POTEC: variants seen among roughly 807,000 people sequenced by gnomAD.
POTEC encodes POTE ankyrin domain family member C.
Under a neutral mutation model 62.0 loss-of-function variants are expected in POTEC, and 35 were observed. The observed-to-expected ratio is 0.56, with a 90% CI of 0.43 to 0.75. The LOEUF is 0.75. POTEC is among the 30% of genes least tolerant of loss of function. The pLI, the probability that POTEC is intolerant of heterozygous loss-of-function variation, is 0.00. For synonymous variants in POTEC, 156 were observed against 221.5 expected, an observed-to-expected ratio of 0.70 and a Z score of 2.62; for missense variants, 472 against 655.9, an observed-to-expected ratio of 0.72 and a Z score of 3.06.
intron 1 of POTEC, among the ~76,000 whole-genome samples, chr18:14,540,112 CAT>C (rs1188407269): frequency 6.6e-5 from 10 of 152,140 alleles, no homozygotes; most frequent in Admixed American, 2.6e-4. Context: ...ACTATTTACA[CAT>C]GTTAATCTAT....
chr18:14,536,772 A>G (rs1285186904), intron 3 of POTEC, among the ~76,000 whole-genome samples: 1 of 152,070 alleles, frequency 6.6e-6, no homozygotes, highest in Non-Finnish European at 1.5e-5. Context: ...TAGGAGAGAG[A>G]CTCATTTGCT....
intron 7 of POTEC, among the ~76,000 whole-genome samples, chr18:14,524,380 C>A (rs2143132598): frequency 6.6e-6 from 1 of 152,214 alleles, no homozygotes; most frequent in East Asian, 1.9e-4. Flanking sequence ...CAGTGACTGA[C>A]AATATAAAAC....
rs1567917499 is a variant in POTEC, at chr18:14,543,307, C to T, written c.-161G>A. ...CCCAGCAAGGGAGCCCAGTCCACCC[C>T]ACCCAGGGAAAACCCACACCCACCC... On this transcript the variant is annotated 5_prime_UTR_variant, in exon 1 of 11. Transcript: ENST00000358970. 1 of 1,310,878 alleles carries T rather than the reference C, an allele frequency of 7.6e-7. No individual in the cohort carries two copies. Among genetic ancestry groups the T allele is most frequent in the African/African-American group, 1.5e-5 (1 of 66,500 alleles). The allele number at this position is 1,310,878 out of a possible 1,614,324, so 81.2% of individuals were successfully genotyped here. A position where few individuals can be genotyped will look rare whatever the true frequency, so the allele number is the denominator to read the frequency against.
intron 9 of POTEC, among the ~76,000 whole-genome samples, chr18:14,516,338 C>CTATATATATATATG (rs1567910128): frequency 3.3e-5 from 1 of 30,238 alleles, no homozygotes; most frequent in African/African-American, 1.4e-4. Flanking sequence ...ATATATATAC[C>CTATATATATATATG]TATACCTGAG....
At chr18:14,519,198 G>A (rs1335667714) in intron 9 of POTEC, among the ~76,000 whole-genome samples, 1 of 152,126 alleles carries the variant, frequency 6.6e-6, no homozygotes, top group African/African-American at 2.4e-5. Context: ...TTTTGGCAGA[G>A]CAACTGGAAG....
At chr18:14,529,418 A>G (rs1905426304) in intron 6 of POTEC, among the ~76,000 whole-genome samples, 1 of 152,190 alleles carries the variant, frequency 6.6e-6, no homozygotes, top group Non-Finnish European at 1.5e-5. Context: ...TACTATGAGC[A>G]CCTTAAGGAT....
At position 14,542,994 on chromosome 18, in the gene POTEC, G is replaced by A; in HGVS notation, c.153C>T (p.Asp51=). The A allele has an allele frequency of 6.2e-7, 1 of 1,613,050 alleles. No individual in the cohort carries two copies. Among genetic ancestry groups the A allele is most frequent in the Non-Finnish European group, 8.5e-7 (1 of 1,179,420 alleles). ...SNMGTSGDHD[D]SFMKMLRSKM... ...TGCTCCTGAGCATCTTCATAAAGGAGTCGTCGTGGTCTCCAGAAGTGCCCA... is the reference window on the plus strand; with the variant it reads ...TGCTCCTGAGCATCTTCATAAAGGAATCGTCGTGGTCTCCAGAAGTGCCCA... The change falls in exon 1 of 11, where the codon GAC becomes GAT. Residue 51 remains aspartate (D), a synonymous_variant. Coordinates refer to ENST00000358970, the MANE Select transcript of POTEC (RefSeq NM_001137671.2).
At chr18:14,513,562 T>C in intron 10 of POTEC, 100 bp downstream of exon 10, 7 of 1,453,908 alleles carry the variant, frequency 4.8e-6, no homozygotes, top group Non-Finnish European at 6.5e-6. Context: ...CACACACGTG[T>C]GTATATATGT....
chr18:14,533,876 T>TC (rs1491113698), intron 4 of POTEC, among the ~76,000 whole-genome samples: 12 of 70,814 alleles, frequency 1.7e-4, no homozygotes, highest in East Asian at 1.2e-3. Flanking sequence ...TTTCTCTCTC[T>TC]TTTTTTTTTT....
chr18:14,514,196 T>C (rs1469648914), intron 9 of POTEC, among the ~76,000 whole-genome samples: 1 of 152,116 alleles, frequency 6.6e-6, no homozygotes, highest in Non-Finnish European at 1.5e-5. Flanking sequence ...AAGCATTAGA[T>C]TCTCATAAGG....
At chr18:14,523,099 T>C (rs1270739114) in intron 8 of POTEC, among the ~76,000 whole-genome samples, 3 of 152,026 alleles carry the variant, frequency 2.0e-5, no homozygotes. Context: ...TCAATAGCTA[T>C]ACAATTTTCC....
Position 14,515,365 on chromosome 18 carries a change from G to T in POTEC, c.1410-1580C>A, listed in dbSNP as rs1598476484. ...ATAAAAGTAGATACACAGATCAATG[G>T]AACAGAATAGACAACTCAGAAAAAA... is the stretch of plus-strand genomic sequence containing the variant. On this transcript the variant is annotated intron_variant, in intron 9 of 10. Transcript: ENST00000358970. 2.0e-5 allele frequency among the ~76,000 whole-genome samples: 3 copies of T among 152,152 alleles called. No homozygotes were observed. The East Asian group carries it at 5.8e-4, about 29-fold the overall frequency.
chr18:14,533,856 G>A (rs1271724554), intron 4 of POTEC, among the ~76,000 whole-genome samples: 2 of 149,350 alleles, frequency 1.3e-5, no homozygotes, highest in South Asian at 4.3e-4. Flanking sequence ...TGAATCCAAA[G>A]CCTAGCTCTT....
chr18:14,537,884 G>C lies in POTEC; in HGVS notation c.727C>G (p.Leu243Val), dbSNP rs1194586422. Residue 243 changes from leucine to valine, a missense_variant, in exon 3 of 11, where the codon CTA becomes GTA. Leu to Val is a conservative substitution (Grantham distance 32). Coordinates refer to ENST00000358970, the MANE Select transcript of POTEC (RefSeq NM_001137671.2). Reference protein sequence around the residue: ...NIPDEYGNTTLHYAVHNEDKL... With the variant: ...NIPDEYGNTTVHYAVHNEDKL... ...TCTTCATTGTGGACAGCATAGTGTA[G>C]AGTGGTATTTCCATACTCATCTGGA... 4.3e-6 allele frequency: 7 copies of C among 1,612,246 alleles called. No individual in the cohort carries two copies. The highest frequency in any genetic ancestry group is 5.1e-6 in the Non-Finnish European group (6 of 1,179,800).
intron 3 of POTEC, among the ~76,000 whole-genome samples, chr18:14,536,152 G>A (rs1163628121): frequency 6.6e-6 from 1 of 151,208 alleles, no homozygotes; most frequent in South Asian, 2.1e-4. Context: ...AGAGCTTAGG[G>A]ATGTCAAGGC....
At chr18:14,541,351 A>G (rs1436020286) in intron 1 of POTEC, among the ~76,000 whole-genome samples, 1 of 152,210 alleles carries the variant, frequency 6.6e-6, no homozygotes, top group Non-Finnish European at 1.5e-5. Context: ...ATTTTATTAT[A>G]TCTGCATATA....
Position 14,538,122 on chromosome 18 carries a change from GACT to G in POTEC, c.636+10_636+12del. ...AAACCCATCTCACGCTGATATAGTT[GACT>G]ACTGCATACCTTTATCAGAGCTGTC... On this transcript the variant is annotated intron_variant, in intron 2 of 10. Transcript: ENST00000358970. 1 of 1,589,040 alleles carries G rather than the reference GACT, an allele frequency of 6.3e-7. No homozygotes were observed. The highest frequency in any genetic ancestry group is 8.6e-7 in the Non-Finnish European group (1 of 1,166,258).
chr18:14,517,380 C>G (rs1230396463), intron 9 of POTEC, among the ~76,000 whole-genome samples: 1 of 152,172 alleles, frequency 6.6e-6, no homozygotes, highest in Non-Finnish European at 1.5e-5. Flanking sequence ...CAGCTTGCTT[C>G]TGAAATACAG....
Position 14,543,161 on chromosome 18 carries a change from C to T in POTEC, c.-15G>A. ...TCAGTCACCATCTGCTTTTAACAGC[C>T]CGGGGAGGCCGGTAGTAGCGAACAG... On this transcript the variant is annotated 5_prime_UTR_variant, in exon 1 of 11. Transcript: ENST00000358970. 6.2e-7 allele frequency: 1 copy of T among 1,613,632 alleles called. No individual in the cohort carries two copies. Among genetic ancestry groups the T allele is most frequent in the Non-Finnish European group, 8.5e-7 (1 of 1,179,840 alleles).
Sources: gnomAD v4.1 joint callset for allele counts (sites outside exome capture counted in the v4.1 genomes callset) on GRCh38, gnomAD v4.1.1 for gene constraint, MANE v1.5 for transcripts, NCBI Gene and HGNC (gene_info 2026-07-23, HGNC 2026-07-21) for gene names.